The following LARGE1 variants were observed in gnomAD, a reference collection of about 807,000 sequenced individuals.
The protein encoded by LARGE1 is xylosyl- and glucuronyltransferase LARGE1.
A neutral mutation model predicts 87.6 loss-of-function variants in LARGE1; 43 were observed. The observed-to-expected ratio is 0.49, with a 90% CI of 0.38 to 0.63. LARGE1 has a LOEUF of 0.63. Among genes scored for constraint, LARGE1 ranks in the 30% least tolerant of loss-of-function variants. The pLI, the probability that LARGE1 is intolerant of heterozygous loss-of-function variation, is 0.00. For synonymous variants in LARGE1, 434 were observed against 394.6 expected (o/e 1.10, Z -1.18); for missense variants, 802 against 1,000.2 (o/e 0.80, Z 2.67).
chr22:33,508,319 C>G (rs1422025432), intron 6 of LARGE1, among the ~76,000 whole-genome samples: 4 of 152,222 alleles, frequency 2.6e-5, no homozygotes, highest in African/African-American at 9.6e-5. Context: ...AACACAATCA[C>G]TGCCAACTTC....
rs750254461 is a variant in LARGE1, at chr22:33,314,583, C to T, written c.1451+1502G>A. 1.3e-3 allele frequency among the ~76,000 whole-genome samples: 192 copies of T among 152,310 alleles called. 4 individuals carry two copies. Among genetic ancestry groups the T allele is most frequent in the Admixed American group, 2.0e-3 (31 of 15,302 alleles). ...ACACTTATGTGCCAGGCACTGTTCTCGGCACTGTACAGGCATTAGCTCATT... is the reference window on the plus strand; with the variant it reads ...ACACTTATGTGCCAGGCACTGTTCTTGGCACTGTACAGGCATTAGCTCATT... On this transcript the variant is annotated intron_variant, in intron 11 of 14. Transcript: ENST00000397394.
At chr22:33,727,708 G>A (rs1161063171) in intron 2 of LARGE1, 1 of 152,200 alleles carries the variant, frequency 6.6e-6, no homozygotes, top group African/African-American at 2.4e-5. Flanking sequence ...GTAAGACCCA[G>A]AAGAATCACA....
At chr22:33,125,246 A>G in the LARGE1 span, among the ~76,000 whole-genome samples, 104 of 152,242 alleles carry the variant, frequency 6.8e-4, no homozygotes, top group African/African-American at 2.4e-3. Context: ...CTCCTACCTC[A>G]TGTGGAGTTA....
At chr22:33,412,373 T>TC (rs1387136366) in intron 7 of LARGE1, among the ~76,000 whole-genome samples, 68 of 151,996 alleles carry the variant, frequency 4.5e-4, no homozygotes, top group African/African-American at 1.6e-3. Context: ...AAGAAAGAAA[T>TC]CCCCTGATGG....
chr22:33,122,348 CTTTTCT>C, the LARGE1 span, among the ~76,000 whole-genome samples: 2 of 147,708 alleles, frequency 1.4e-5, no homozygotes, highest in African/African-American at 5.0e-5. Flanking sequence ...TTTTTCTTTT[CTTTTCT>C]TTTTCTTTTT....
intron 2 of LARGE1, among the ~76,000 whole-genome samples, chr22:33,760,775 C>A (rs1340589707): frequency 6.6e-6 from 1 of 152,120 alleles, no homozygotes; most frequent in East Asian, 1.9e-4. Context: ...GAAGAATTAG[C>A]TGAGTGTGGT....
At chr22:33,286,660 A>G (rs1015771865) in intron 12 of LARGE1, among the ~76,000 whole-genome samples, 2 of 152,096 alleles carry the variant, frequency 1.3e-5, no homozygotes, top group African/African-American at 2.4e-5. Flanking sequence ...TTAGAATACA[A>G]TGCTATAGAA....
intron 3 of LARGE1, among the ~76,000 whole-genome samples, chr22:33,641,499 C>T (rs554671394): frequency 6.6e-6 from 1 of 152,236 alleles, no homozygotes; most frequent in South Asian, 2.1e-4. Context: ...AACTCCTCTC[C>T]AGCAAGGGCA....
intron 4 of LARGE1, among the ~76,000 whole-genome samples, chr22:33,610,918 C>T (rs1569311200): frequency 6.6e-6 from 1 of 152,208 alleles, no homozygotes; most frequent in Admixed American, 6.5e-5. Context: ...CAAGATACAT[C>T]TCAGGCTGCA....
chr22:33,854,406 T>C (rs181257714), intron 1 of LARGE1, among the ~76,000 whole-genome samples: 135 of 152,170 alleles, frequency 8.9e-4, no homozygotes, highest in African/African-American at 3.2e-3. Flanking sequence ...CAGAGACCCC[T>C]TTTTATAGCT....
chr22:33,687,058 G>A (rs1441783176), intron 2 of LARGE1, among the ~76,000 whole-genome samples: 2 of 151,828 alleles, frequency 1.3e-5, no homozygotes, highest in South Asian at 2.1e-4. Context: ...AGCTTGTTCT[G>A]TCTTGGGGAT....
chr22:33,606,369 C>G (rs1179533989), intron 4 of LARGE1, among the ~76,000 whole-genome samples: 1 of 151,558 alleles, frequency 6.6e-6, no homozygotes, highest in South Asian at 2.1e-4. Context: ...TGCACGACTG[C>G]ACTCCAGCCT....
At chr22:33,265,241 G>A (rs566862657) in intron 11 of LARGE1, among the ~76,000 whole-genome samples, 1 of 152,142 alleles carries the variant, frequency 6.6e-6, no homozygotes, top group East Asian at 1.9e-4. Context: ...TGGGGTCTAA[G>A]TTCTTGGACT....
chr22:33,131,082 T>A, the LARGE1 span, among the ~76,000 whole-genome samples: 1 of 144,814 alleles, frequency 6.9e-6, no homozygotes, highest in Non-Finnish European at 1.5e-5. Context: ...AAAAACTTCA[T>A]CTGTAAGTCA....
rs1646725453 is a variant in LARGE1, at chr22:33,681,175, T to C, written c.107-30507A>G. On this transcript the variant is annotated intron_variant, in intron 2 of 14. Transcript: ENST00000397394. ...AATTTGTACTTGTACATCTTTAAGG[T>C]AGATTTATATCTGAAATTGTCAAAT... is the stretch of plus-strand genomic sequence containing the variant. Among the ~76,000 whole-genome samples the C allele has an allele frequency of 2.0e-5, 3 of 152,232 alleles. No individual in the cohort carries two copies. The South Asian group carries it at 6.2e-4, about 31-fold the overall frequency.
intron 4 of LARGE1, among the ~76,000 whole-genome samples, chr22:33,616,224 TG>T (rs1167136558): frequency 1.3e-5 from 2 of 152,162 alleles, no homozygotes; most frequent in African/African-American, 4.8e-5. Context: ...AAGAAGTGGA[TG>T]GCCGGGCACT....
chr22:33,084,503 A>C, the LARGE1 span, among the ~76,000 whole-genome samples: 1 of 151,840 alleles, frequency 6.6e-6, no homozygotes, highest in Admixed American at 6.6e-5. Flanking sequence ...TCGAAAAAAA[A>C]AAAAAGCCTG....
intron 7 of LARGE1, among the ~76,000 whole-genome samples, chr22:33,417,340 C>T (rs2066535386): frequency 6.6e-6 from 1 of 152,190 alleles, no homozygotes; most frequent in African/African-American, 2.4e-5. Flanking sequence ...TTTCAAGCCC[C>T]TTCTCCATTT....
intron 1 of LARGE1, among the ~76,000 whole-genome samples, chr22:33,866,775 C>A (rs1261512506): frequency 1.3e-5 from 2 of 152,094 alleles, no homozygotes; most frequent in African/African-American, 4.8e-5. Context: ...GAAAGCACCT[C>A]CCACAGGCCC....
Sources: gnomAD v4.1 joint callset for allele counts (sites outside exome capture counted in the v4.1 genomes callset) on GRCh38, gnomAD v4.1.1 for gene constraint, MANE v1.5 for transcripts, NCBI Gene and HGNC (gene_info 2026-07-23, HGNC 2026-07-21) for gene names.